OPA1: variants seen among roughly 807,000 people sequenced by gnomAD.
The protein encoded by OPA1 is OPA1 mitochondrial dynamin like GTPase, also known as dynamin-like GTPase OPA1, mitochondrial.
In OPA1, 59 loss-of-function variants were observed where a neutral mutation model predicts 152.9. The ratio of observed to expected loss-of-function variants is 0.39; its 90% CI spans 0.31 to 0.48. The LOEUF is 0.48. OPA1 is among the 20% of genes least tolerant of loss of function. The pLI, the probability that OPA1 is intolerant of heterozygous loss-of-function variation, is 0.96. For synonymous variants in OPA1, 400 were observed against 389.9 expected (o/e 1.03, Z -0.31); for missense variants, 1,008 against 1,216.8 (o/e 0.83, Z 2.55).
chr3:193,615,079 A>T (rs750138740), intron 2 of OPA1, 38 bp downstream of exon 2: 7 of 1,466,964 alleles, frequency 4.8e-6, no homozygotes, highest in Non-Finnish European at 6.7e-6. Context: ...CAATTATTAT[A>T]TCATGATTAA....
chr3:193,608,875 A>C (rs1727710050), intron 1 of OPA1, among the ~76,000 whole-genome samples: 1 of 151,888 alleles, frequency 6.6e-6, no homozygotes, highest in South Asian at 2.1e-4. Flanking sequence ...TGCTTTATGA[A>C]TCTGGGTGCT....
intron 8 of OPA1, among the ~76,000 whole-genome samples, chr3:193,634,233 AG>A (rs1439485789): frequency 2.0e-5 from 3 of 151,954 alleles, no homozygotes; most frequent in African/African-American, 7.3e-5. Context: ...CAAATTAGAA[AG>A]GATCAAATTT....
chr3:193,616,544 G>A (rs111260370), intron 3 of OPA1, among the ~76,000 whole-genome samples: 4,573 of 152,206 alleles, frequency 0.03, 65 homozygotes, highest in African/African-American at 0.035. Flanking sequence ...CACCTAGCTA[G>A]CTCCTTTTGA....
rs922766389 is a variant in OPA1 at position 193,643,815 on chromosome 3, T to C, written c.1478-160T>C. 8.5e-6 allele frequency: 8 copies of C among 942,276 alleles called. No homozygotes were observed. In the African/African-American group the frequency reaches 1.0e-4, roughly 12 times the overall value. The allele number at this position is 942,276 out of a possible 1,614,324, so 58.4% of individuals were successfully genotyped here. A position where few individuals can be genotyped will look rare whatever the true frequency, so the allele number is the denominator to read the frequency against. On this transcript the variant is annotated intron_variant, in intron 15 of 30. Coordinates refer to ENST00000361510, the MANE Select transcript of OPA1 (RefSeq NM_130837.3). ...TTTGATAAGTTTTACATAAGCATCA[T>C]TGAAATTTTTATCGGCTAGGATTTC...
chr3:193,691,082 G>A (rs922228053), intron 29 of OPA1, among the ~76,000 whole-genome samples: 2 of 152,082 alleles, frequency 1.3e-5, no homozygotes, highest in African/African-American at 2.4e-5. Flanking sequence ...TTAGCCAGGC[G>A]TGGTGGCACG....
At chr3:193,626,031 C>G (rs1731059447) in intron 6 of OPA1, 61 bp from the exon 7 acceptor site, 2 of 1,258,016 alleles carry the variant, frequency 1.6e-6, no homozygotes, top group African/African-American at 1.5e-5. Context: ...TTGTTGCACC[C>G]TTGGTTTAAC....
chr3:193,641,932 T>G (rs964719755), intron 11 of OPA1, among the ~76,000 whole-genome samples: 1 of 152,132 alleles, frequency 6.6e-6, no homozygotes, highest in Non-Finnish European at 1.5e-5. Context: ...CTGGCCAACA[T>G]GGCGAAACCC....
At chr3:193,628,419 G>A (rs1731516628) in intron 7 of OPA1, 1 of 152,060 alleles carries the variant, frequency 6.6e-6, no homozygotes, top group African/African-American at 2.4e-5. Context: ...ATTTCAGAAT[G>A]GCCTCAATGC....
rs746521798 is a variant in OPA1 at position 193,614,680 on chromosome 3, G to A, written c.33-43G>A. 6 of 1,434,000 alleles carry A rather than the reference G, an allele frequency of 4.2e-6. No individual in the cohort carries two copies. In the East Asian group the frequency reaches 1.4e-4, roughly 33 times the overall value. The allele number at this position is 1,434,000 out of a possible 1,614,324, so 88.8% of individuals were successfully genotyped here. ...CTTTTAATGTCATTTCCTTTGTACTGTTACCCTCTCTGATCTTTCTTCCAT... is the reference window on the plus strand; with the variant it reads ...CTTTTAATGTCATTTCCTTTGTACTATTACCCTCTCTGATCTTTCTTCCAT... On this transcript the variant is annotated intron_variant, in intron 1 of 30. Transcript: ENST00000361510.
At chr3:193,597,347 A>G (rs780329606) in intron 1 of OPA1, among the ~76,000 whole-genome samples, 1 of 152,196 alleles carries the variant, frequency 6.6e-6, no homozygotes. Flanking sequence ...CAAAATGGCC[A>G]TTGGAAGCCT....
rs1711516305 is a variant in OPA1, at chr3:193,648,125, A to G, written c.1926A>G (p.Glu642=). 5.0e-6 allele frequency: 8 copies of G among 1,610,200 alleles called. No individual in the cohort carries two copies. Among genetic ancestry groups the G allele is most frequent in the Non-Finnish European group, 6.8e-6 (8 of 1,176,482 alleles). Residue 642 remains glutamate (E), a synonymous_variant, in exon 20 of 31, where the codon GAA becomes GAG. Transcript: ENST00000361510. ...EWKNNYPRLR[E]LDRNELFEKA... ...AGAATAACTATCCTCGCCTGCGGGA[A>G]CTTGACCGGGTAATATTTGGATACT...
At chr3:193,627,121 A>G (rs1344353272) in intron 7 of OPA1, 1 of 152,230 alleles carries the variant, frequency 6.6e-6, no homozygotes, top group Non-Finnish European at 1.5e-5. Context: ...TAATTCTTGT[A>G]CATTCTACTA....
chr3:193,673,881 G>A (rs1718445928), intron 29 of OPA1, among the ~76,000 whole-genome samples: 1 of 152,188 alleles, frequency 6.6e-6, no homozygotes, highest in Admixed American at 6.5e-5. Flanking sequence ...TATCCTTAAT[G>A]TTAAAAGCAA....
At chr3:193,678,255 A>G (rs1419268246) in intron 29 of OPA1, among the ~76,000 whole-genome samples, 1 of 151,672 alleles carries the variant, frequency 6.6e-6, no homozygotes, top group Non-Finnish European at 1.5e-5. Context: ...AGACTGTGTC[A>G]TATATACAGA....
intron 8 of OPA1, among the ~76,000 whole-genome samples, chr3:193,632,034 T>G (rs1695888794): frequency 6.6e-6 from 1 of 152,250 alleles, no homozygotes. Context: ...ACCTTTACTT[T>G]GCTTCGCAAG....
intron 29 of OPA1, among the ~76,000 whole-genome samples, chr3:193,672,762 G>A (rs550887097): frequency 1.3e-5 from 2 of 151,754 alleles, no homozygotes; most frequent in Admixed American, 6.6e-5. Context: ...CCAGCTACTC[G>A]GGAGGCTGAG....
intron 29 of OPA1, among the ~76,000 whole-genome samples, chr3:193,683,722 T>C (rs1442892480): frequency 2.0e-5 from 3 of 152,320 alleles, no homozygotes; most frequent in South Asian, 2.1e-4. Flanking sequence ...GCTCAGGTGA[T>C]CCTTAGCATT....
At chr3:193,622,890 C>T (rs1001516367) in intron 6 of OPA1, among the ~76,000 whole-genome samples, 1 of 152,236 alleles carries the variant, frequency 6.6e-6, no homozygotes, top group East Asian at 1.9e-4. Context: ...AAATTTTGGT[C>T]CCCTCAATTT....
rs773894708 is a variant in OPA1, at chr3:193,631,672, A to G, written c.843+7A>G. ...AGAACTTCTGCACACTCAGGTAATC[A>G]TGATGACTAAGAAAAACTAGGGACT... On this transcript the variant is annotated splice_region_variant and intron_variant, in intron 8 of 30. Coordinates refer to ENST00000361510, the MANE Select transcript of OPA1 (RefSeq NM_130837.3). The G allele has an allele frequency of 8.1e-6, 13 of 1,607,572 alleles. No homozygotes were observed. The highest frequency in any genetic ancestry group is 1.7e-4 in the Middle Eastern group (1 of 6,032).
Sources: gnomAD v4.1 joint callset for allele counts (sites outside exome capture counted in the v4.1 genomes callset) on GRCh38, gnomAD v4.1.1 for gene constraint, MANE v1.5 for transcripts, NCBI Gene and HGNC (gene_info 2026-07-23, HGNC 2026-07-21) for gene names.